JARID2: variants seen among roughly 807,000 people sequenced by gnomAD.
JARID2 encodes the protein protein Jumonji.
Under a neutral mutation model 125.6 loss-of-function variants are expected in JARID2, and 21 were observed. That is an observed-to-expected ratio of 0.17 (90% CI 0.12 to 0.24). The LOEUF is 0.24. Ranked by LOEUF, JARID2 falls within the 10% of genes least tolerant of loss-of-function variation. The pLI, the probability that JARID2 is intolerant of heterozygous loss-of-function variation, is 1.00. For synonymous variants in JARID2, 736 were observed against 661.6 expected, an observed-to-expected ratio of 1.11 and a Z score of -1.73; for missense variants, 1,303 against 1,639.6, an observed-to-expected ratio of 0.79 and a Z score of 3.55.
intron 3 of JARID2, among the ~76,000 whole-genome samples, chr6:15,422,474 G>A (rs1426536412): frequency 3.3e-5 from 5 of 152,172 alleles, no homozygotes; most frequent in Non-Finnish European, 5.9e-5. Flanking sequence ...CTAAGGAAGC[G>A]TTTTCTGAGT....
intron 1 of JARID2, among the ~76,000 whole-genome samples, chr6:15,324,198 G>GAAA (rs765988530): frequency 7.1e-6 from 1 of 140,152 alleles, no homozygotes; most frequent in African/African-American, 2.6e-5. Context: ...AAAAAAACTG[G>GAAA]AAAAAAAAAA....
At chr6:15,382,122 T>C (rs886416722) in intron 2 of JARID2, among the ~76,000 whole-genome samples, 40 of 151,974 alleles carry the variant, frequency 2.6e-4, no homozygotes, top group Admixed American at 3.9e-4. Context: ...AATTAGCCAG[T>C]CATGGTGGCG....
At chr6:15,453,611 A>G (rs1768017992) in intron 4 of JARID2, among the ~76,000 whole-genome samples, 1 of 152,188 alleles carries the variant, frequency 6.6e-6, no homozygotes, top group Admixed American at 6.5e-5. Context: ...ACTAGTACAT[A>G]CTTCTCATCA....
chr6:15,518,506 G>A (rs1406738177), intron 17 of JARID2, among the ~76,000 whole-genome samples: 1 of 152,152 alleles, frequency 6.6e-6, no homozygotes, highest in South Asian at 2.1e-4. Context: ...TTTTTAAGAC[G>A]GAGTCTCGCT....
At chr6:15,416,716 G>T (rs572761549) in intron 3 of JARID2, among the ~76,000 whole-genome samples, 8 of 146,018 alleles carry the variant, frequency 5.5e-5, no homozygotes, top group South Asian at 4.4e-4. Context: ...AGAGGGAGAG[G>T]GAGAGGGGGG....
Position 15,410,377 on chromosome 6 carries a change from A to C in JARID2, c.323+12A>C. 6.2e-7 allele frequency: 1 copy of C among 1,612,816 alleles called. No individual in the cohort carries two copies. Among genetic ancestry groups the C allele is most frequent in the Non-Finnish European group, 8.5e-7 (1 of 1,178,962 alleles). ...CCGTCGAGGAAAAGGTTAGTACCCA[A>C]GGCTGAAAATATTGGTACCTTCAAC... On this transcript the variant is annotated intron_variant, in intron 3 of 17. Coordinates refer to ENST00000341776, the MANE Select transcript of JARID2 (RefSeq NM_004973.4).
Position 15,500,832 on chromosome 6 carries a change from A to G in JARID2, c.1946-75A>G, listed in dbSNP as rs777329728. 188 of 1,309,078 alleles carry G rather than the reference A, an allele frequency of 1.4e-4. 1 individual carries two copies. Among genetic ancestry groups the G allele is most frequent in the Non-Finnish European group, 1.9e-4 (177 of 935,692 alleles). The allele number at this position is 1,309,078 out of a possible 1,614,324, so 81.1% of individuals were successfully genotyped here. On this transcript the variant is annotated intron_variant, in intron 7 of 17. Transcript: ENST00000341776. ...GGCTCATAGTAGGAGTTCAAGAAGT[A>G]CAGGTTGAATGAGGAACATCTTGTT...
At chr6:15,256,583 G>A (rs1561750009) in intron 1 of JARID2, among the ~76,000 whole-genome samples, 1 of 152,036 alleles carries the variant, frequency 6.6e-6, no homozygotes, top group East Asian at 1.9e-4. Context: ...GGCTTATCCT[G>A]CCACCCATCC....
At chr6:15,302,857 C>T (rs1761681848) in intron 1 of JARID2, among the ~76,000 whole-genome samples, 1 of 152,094 alleles carries the variant, frequency 6.6e-6, no homozygotes, top group Non-Finnish European at 1.5e-5. Flanking sequence ...GCCGCAGCCT[C>T]CCAAGCAGCT....
chr6:15,484,317 A>C (rs981784836), intron 5 of JARID2, among the ~76,000 whole-genome samples: 3 of 152,236 alleles, frequency 2.0e-5, no homozygotes, highest in African/African-American at 7.2e-5. Flanking sequence ...ACTCTCAGTC[A>C]TGGTCTGGCA....
intron 3 of JARID2, among the ~76,000 whole-genome samples, chr6:15,433,922 GTGTGT>G (rs1407966671): frequency 1.6e-3 from 9 of 5,704 alleles, no homozygotes; most frequent in African/African-American, 3.5e-3. Flanking sequence ...ACTCTCCAGG[GTGTGT>G]GTGTGTGTGT....
chr6:15,467,550 T>C (rs1768800815), intron 4 of JARID2, among the ~76,000 whole-genome samples: 1 of 151,578 alleles, frequency 6.6e-6, no homozygotes, highest in African/African-American at 2.4e-5. Flanking sequence ...TTTAAGAATA[T>C]TGAGCCTAAG....
chr6:15,393,218 T>C (rs1186391667), intron 2 of JARID2, among the ~76,000 whole-genome samples: 3 of 152,130 alleles, frequency 2.0e-5, no homozygotes, highest in Admixed American at 1.3e-4. Context: ...AAAATTGATA[T>C]TTTACTCAAA....
At chr6:15,379,168 AT>A (rs201864235) in intron 2 of JARID2, among the ~76,000 whole-genome samples, 217 of 146,588 alleles carry the variant, frequency 1.5e-3, no homozygotes, top group African/African-American at 1.8e-3. Flanking sequence ...CAAGGAATGA[AT>A]TTTTTTTTTT....
intron 1 of JARID2, among the ~76,000 whole-genome samples, chr6:15,323,276 C>T (rs1449138690): frequency 6.6e-6 from 1 of 152,220 alleles, no homozygotes. Context: ...GTAGGATTAG[C>T]TGTGTCTTGT....
At chr6:15,438,815 G>C (rs1487230670) in intron 3 of JARID2, among the ~76,000 whole-genome samples, 3 of 152,142 alleles carry the variant, frequency 2.0e-5, no homozygotes, top group Admixed American at 6.5e-5. Context: ...GATTGCCTGA[G>C]GTCAGGAGTA....
intron 1 of JARID2, among the ~76,000 whole-genome samples, chr6:15,322,976 T>A (rs1441955964): frequency 6.6e-6 from 1 of 152,242 alleles, no homozygotes; most frequent in Non-Finnish European, 1.5e-5. Context: ...AATTATCTGG[T>A]TCATTTGAGA....
At chr6:15,451,297 T>C (rs2127639688) in intron 3 of JARID2, among the ~76,000 whole-genome samples, 1 of 152,358 alleles carries the variant, frequency 6.6e-6, no homozygotes, top group East Asian at 1.9e-4. Context: ...CATAGGATTG[T>C]AATGGGAAAG....
chr6:15,409,785 C>G (rs969993403), intron 2 of JARID2, among the ~76,000 whole-genome samples: 7 of 152,130 alleles, frequency 4.6e-5, no homozygotes, highest in Admixed American at 6.5e-5. Context: ...GATAAGGATG[C>G]CTTTTCTTGT....
Sources: gnomAD v4.1 joint callset for allele counts (sites outside exome capture counted in the v4.1 genomes callset) on GRCh38, gnomAD v4.1.1 for gene constraint, MANE v1.5 for transcripts, NCBI Gene and HGNC (gene_info 2026-07-23, HGNC 2026-07-21) for gene names.